The following ZHX2 variants were observed in gnomAD, a reference collection of about 807,000 sequenced individuals.
ZHX2 encodes the protein zinc fingers and homeoboxes 2, also known as zinc fingers and homeoboxes protein 2.
In ZHX2, 6 loss-of-function variants were observed where a neutral mutation model predicts 21.9. The ratio of observed to expected loss-of-function variants is 0.27; its 90% CI spans 0.15 to 0.54. The LOEUF (loss-of-function observed/expected upper bound fraction) is 0.54, where lower values mean the gene tolerates loss of function less well. Among genes scored for constraint, ZHX2 ranks in the 20% least tolerant of loss-of-function variants. The pLI is 0.95. For synonymous variants in ZHX2, 434 were observed against 437.1 expected, an observed-to-expected ratio of 0.99 and a Z score of 0.09; for missense variants, 908 against 1,090.7, an observed-to-expected ratio of 0.83 and a Z score of 2.36.
At chr8:122,829,168 C>T (rs138086123) in intron 1 of ZHX2, among the ~76,000 whole-genome samples, 20 of 152,170 alleles carry the variant, frequency 1.3e-4, no homozygotes, top group South Asian at 4.1e-4. Flanking sequence ...CAAAGATGGA[C>T]AGATCAAGCA....
intron 2 of ZHX2, among the ~76,000 whole-genome samples, chr8:122,916,191 T>A (rs1351027115): frequency 6.6e-6 from 1 of 152,210 alleles, no homozygotes; most frequent in Non-Finnish European, 1.5e-5. Context: ...TTGGCCCGGA[T>A]TTCCTCCTTC....
At chr8:122,929,638 C>CT (rs1820935368) in intron 2 of ZHX2, among the ~76,000 whole-genome samples, 1 of 135,796 alleles carries the variant, frequency 7.4e-6, no homozygotes, top group African/African-American at 2.7e-5. Flanking sequence ...GAGACCATGT[C>CT]TTAAAAAAAA....
At chr8:122,926,271 C>G (rs935407903) in intron 2 of ZHX2, among the ~76,000 whole-genome samples, 1 of 152,140 alleles carries the variant, frequency 6.6e-6, no homozygotes, top group South Asian at 2.1e-4. Flanking sequence ...GATGCCGGTG[C>G]GGAACAAGGG....
chr8:122,916,795 C>T (rs544893491), intron 2 of ZHX2, among the ~76,000 whole-genome samples: 1 of 152,272 alleles, frequency 6.6e-6, no homozygotes, highest in South Asian at 2.1e-4. Context: ...CTGCTCCTAA[C>T]ATCCACATCC....
intron 1 of ZHX2, among the ~76,000 whole-genome samples, chr8:122,857,360 G>GA (rs761871911): frequency 0.32 from 40,679 of 125,198 alleles, 5,795 homozygotes; most frequent in East Asian, 0.4. Flanking sequence ...GTCACAAACA[G>GA]AAAAAAAAAA....
chr8:122,900,670 T>C (rs1820208103), intron 2 of ZHX2, among the ~76,000 whole-genome samples: 1 of 152,206 alleles, frequency 6.6e-6, no homozygotes, highest in Non-Finnish European at 1.5e-5. Context: ...AGATTTAAGA[T>C]GGTTGTTTTC....
intron 1 of ZHX2, among the ~76,000 whole-genome samples, chr8:122,841,607 T>G (rs751818543): frequency 2.6e-5 from 4 of 152,120 alleles, no homozygotes; most frequent in Admixed American, 1.3e-4. Context: ...GAGTTCACAT[T>G]TAGCAGGCAG....
chr8:122,807,582 C>T (rs1817849051), intron 1 of ZHX2, among the ~76,000 whole-genome samples: 1 of 152,220 alleles, frequency 6.6e-6, no homozygotes, highest in Non-Finnish European at 1.5e-5. Context: ...GTGTTATGCC[C>T]TGAGCACTGG....
chr8:122,942,797 C>T (rs1812878553), intron 2 of ZHX2, among the ~76,000 whole-genome samples: 1 of 152,190 alleles, frequency 6.6e-6, no homozygotes, highest in Non-Finnish European at 1.5e-5. Flanking sequence ...CTGCAGGCCA[C>T]TTGTAGGGAA....
At chr8:122,948,362 C>T (rs1456493272) in intron 2 of ZHX2, among the ~76,000 whole-genome samples, 1 of 152,124 alleles carries the variant, frequency 6.6e-6, no homozygotes, top group African/African-American at 2.4e-5. Flanking sequence ...TTTAGCCCAT[C>T]AGCTCTCTAT....
chr8:122,780,486 G>A (rs1280948755), upstream of ZHX2: 2 of 152,378 alleles, frequency 1.3e-5, no homozygotes, highest in Non-Finnish European at 2.9e-5. Context: ...GGGAAACAAG[G>A]TACATCTGGG....
At chr8:122,883,284 A>G (rs937635272) in intron 2 of ZHX2, among the ~76,000 whole-genome samples, 5 of 152,292 alleles carry the variant, frequency 3.3e-5, no homozygotes, top group African/African-American at 1.2e-4. Flanking sequence ...TCCCTGGCTC[A>G]GGGAACAGAG....
intron 2 of ZHX2, among the ~76,000 whole-genome samples, chr8:122,941,663 C>CAAAAA (rs67837735): frequency 7.5e-6 from 1 of 133,050 alleles, no homozygotes; most frequent in Non-Finnish European, 1.7e-5. Context: ...TTAGTTGCAG[C>CAAAAA]AAAAAAAAAA....
intron 2 of ZHX2, among the ~76,000 whole-genome samples, chr8:122,915,416 C>T (rs1206231612): frequency 6.6e-6 from 1 of 152,204 alleles, no homozygotes; most frequent in Non-Finnish European, 1.5e-5. Flanking sequence ...GTCTCACAAC[C>T]CCAATGGACA....
chr8:122,862,386 ACTTC>A (rs1251301102), intron 1 of ZHX2, among the ~76,000 whole-genome samples: 1 of 152,118 alleles, frequency 6.6e-6, no homozygotes, highest in Non-Finnish European at 1.5e-5. Context: ...ATGGGCTGCA[ACTTC>A]CTTCCTTCCG....
intron 1 of ZHX2, among the ~76,000 whole-genome samples, chr8:122,853,068 ATT>A (rs1322926900): frequency 6.6e-6 from 1 of 152,118 alleles, no homozygotes; most frequent in Non-Finnish European, 1.5e-5. Flanking sequence ...TTCCAGTCAC[ATT>A]TACCTCTTCC....
At chr8:122,945,937 C>T (rs1400226696) in intron 2 of ZHX2, among the ~76,000 whole-genome samples, 1 of 152,104 alleles carries the variant, frequency 6.6e-6, no homozygotes, top group Non-Finnish European at 1.5e-5. Flanking sequence ...TGGTGCAGCC[C>T]AAGGGAGAAC....
At chr8:122,846,928 C>T (rs529012965) in intron 1 of ZHX2, among the ~76,000 whole-genome samples, 25 of 152,204 alleles carry the variant, frequency 1.6e-4, no homozygotes, top group African/African-American at 5.3e-4. Flanking sequence ...GTAGCAGCCA[C>T]GAGCATGTGA....
intron 3 of ZHX2, among the ~76,000 whole-genome samples, chr8:122,966,852 T>A (rs1318956803): frequency 2.0e-5 from 3 of 152,220 alleles, no homozygotes; most frequent in African/African-American, 7.2e-5. Flanking sequence ...TCATTTTTTT[T>A]AATTAGTTTT....
Sources: allele counts gnomAD v4.1 joint callset (sites outside exome capture counted in the v4.1 genomes callset), GRCh38; gene constraint gnomAD v4.1.1; transcripts MANE v1.5; gene names NCBI Gene and HGNC (gene_info 2026-07-23, HGNC 2026-07-21).